Variants in TRIM72 observed in about 807,000 individuals in gnomAD.
TRIM72 encodes tripartite motif-containing protein 72.
In TRIM72, 33 loss-of-function variants were observed where a neutral mutation model predicts 31.6. The observed-to-expected ratio is 1.04, with a 90% CI of 0.79 to 1.40. The LOEUF (loss-of-function observed/expected upper bound fraction) is 1.40, where lower values mean the gene tolerates loss of function less well. TRIM72 is among the 40% of genes most tolerant of loss of function. The probability of loss-of-function intolerance (pLI) is 0.00; values close to 1 mark genes in which losing one functional copy is unlikely to be tolerated. For synonymous variants in TRIM72, 301 were observed against 314.4 expected, an observed-to-expected ratio of 0.96 and a Z score of 0.45; for missense variants, 666 against 682.7, an observed-to-expected ratio of 0.98 and a Z score of 0.27.
chr16:31,224,871 A>C lies in TRIM72; in HGVS notation c.*116A>C. The C allele has an allele frequency of 1.9e-6, 2 of 1,069,668 alleles. No homozygotes were observed. Among genetic ancestry groups the C allele is most frequent in the Non-Finnish European group, 2.5e-6 (2 of 785,534 alleles). 66.3% of individuals were successfully genotyped at this position (1,069,668 alleles called of 1,614,324 possible). ...GTTGCCAGGGCCCAGGGGGCTGGGAACTGGGGGATCTCCCAGAATACTGAC... is the reference window on the plus strand; with the variant it reads ...GTTGCCAGGGCCCAGGGGGCTGGGACCTGGGGGATCTCCCAGAATACTGAC... On this transcript the variant is annotated 3_prime_UTR_variant, in exon 7 of 7. Transcript: ENST00000322122.
At chr16:31,214,620 C>T in intron 1 of TRIM72, 112 bp from the exon 2 acceptor site, 1 of 1,207,998 alleles carries the variant, frequency 8.3e-7, no homozygotes, top group South Asian at 1.8e-5. Context: ...TCTTTACAGG[C>T]TGGGGCTTCT....
intron 2 of TRIM72, among the ~76,000 whole-genome samples, chr16:31,218,168 C>G (rs969321497): frequency 6.6e-6 from 1 of 152,178 alleles, no homozygotes. Flanking sequence ...TGATGTTTGT[C>G]ATCCTCGCAA....
chr16:31,220,931 T>G lies in TRIM72; in HGVS notation c.740+13T>G, dbSNP rs757050817. ...TGGTGACCAGCAGGTGAGAGCAACCTGGCCCTGTCCCTTTGCCCGACTTGT... is the reference window on the plus strand; with the variant it reads ...TGGTGACCAGCAGGTGAGAGCAACCGGGCCCTGTCCCTTTGCCCGACTTGT... On this transcript the variant is annotated intron_variant, in intron 5 of 6. Transcript: ENST00000322122. 1.9e-6 allele frequency: 3 copies of G among 1,614,188 alleles called. No individual in the cohort carries two copies. The highest frequency in any genetic ancestry group is 1.7e-6 in the Non-Finnish European group (2 of 1,180,024).
Position 31,216,983 on chromosome 16 carries a change from T to C in TRIM72, c.390+1855T>C, listed in dbSNP as rs751323039. 1.9e-6 allele frequency: 3 copies of C among 1,614,094 alleles called. No individual in the cohort carries two copies. In the South Asian group the frequency reaches 3.3e-5, roughly 18 times the overall value. On this transcript the variant is annotated intron_variant, in intron 2 of 6. Coordinates refer to ENST00000322122, the MANE Select transcript of TRIM72 (RefSeq NM_001008274.4). The surrounding 1 kb of genome is among the most constrained non-coding windows in gnomAD (Gnocchi z 6.7). Reference sequence around the variant, plus strand: ...TTGAACTTCTTGAGCTCCTCCGGTGTCAGGTTCTCCAGCACCTTCAGGATG... The same window carrying C: ...TTGAACTTCTTGAGCTCCTCCGGTGCCAGGTTCTCCAGCACCTTCAGGATG...
chr16:31,219,589 C>A lies in TRIM72; in HGVS notation c.717+70C>A. On this transcript the variant is annotated intron_variant, in intron 4 of 6. Transcript: ENST00000322122. This position sits in a 1 kb window ranked among gnomAD's most constrained non-coding sequence, Gnocchi z 4.2. ...GGGCCCAGAGACCTCATCCCATTGTCAGATAGGCCCAGAGAGGGGCAGGGA... is the reference window on the plus strand; with the variant it reads ...GGGCCCAGAGACCTCATCCCATTGTAAGATAGGCCCAGAGAGGGGCAGGGA... 1 of 1,390,696 alleles carries A rather than the reference C, an allele frequency of 7.2e-7. No individual in the cohort carries two copies. Among genetic ancestry groups the A allele is most frequent in the Non-Finnish European group, 9.9e-7 (1 of 1,011,418 alleles). The allele number at this position is 1,390,696 out of a possible 1,614,324, so 86.1% of individuals were successfully genotyped here.
chr16:31,217,411 G>A (rs1338592016), intron 2 of TRIM72: 8 of 165,386 alleles, frequency 4.8e-5, no homozygotes, highest in Non-Finnish European at 8.6e-5. Context: ...GGAGGCTGAA[G>A]CAAAAGGATT....
Position 31,229,254 on chromosome 16 carries a change from G to T in TRIM72, c.*4499G>T, listed in dbSNP as rs2079563115. The T allele has an allele frequency of 6.6e-6, 1 of 152,174 alleles. No individual in the cohort carries two copies. Among genetic ancestry groups the T allele is most frequent in the African/African-American group, 2.4e-5 (1 of 41,428 alleles). 9.4% of individuals were successfully genotyped at this position (152,174 alleles called of 1,614,324 possible). A position where few individuals can be genotyped will look rare whatever the true frequency, so the allele number is the denominator to read the frequency against. On this transcript the variant is annotated 3_prime_UTR_variant, in exon 7 of 7. Transcript: ENST00000322122. ...GTGTCGCAAGTCTGCTGTTCGTGTG[G>T]GAGGGAGGGAGGGAAGGCTCTTGTG... is the stretch of plus-strand genomic sequence containing the variant.
intron 6 of TRIM72, 122 bp from the exon 7 acceptor site, chr16:31,224,059 C>A: frequency 8.4e-7 from 1 of 1,185,232 alleles, no homozygotes; most frequent in Non-Finnish European, 1.2e-6. Flanking sequence ...ATCTTGTGGC[C>A]CAAGCCCAGT....
intron 2 of TRIM72, chr16:31,217,406 C>T (rs2079515276): frequency 5.8e-6 from 1 of 173,208 alleles, no homozygotes; most frequent in Non-Finnish European, 1.2e-5. Context: ...ACTCGGGAGG[C>T]TGAAGCAAAA....
intron 2 of TRIM72, among the ~76,000 whole-genome samples, chr16:31,218,552 A>C (rs1281021401): frequency 6.6e-6 from 1 of 151,944 alleles, no homozygotes. Context: ...GTGGTGGTGC[A>C]CCAAAATTAG....
In TRIM72 at chr16:31,217,960, T is replaced by A. The variant is rs564944783; in HGVS notation, c.391-1135T>A. Among the ~76,000 whole-genome samples the A allele has an allele frequency of 3.6e-3, 545 of 152,248 alleles. 5 individuals carry two copies. Among genetic ancestry groups the A allele is most frequent in the Non-Finnish European group, 4.6e-3 (315 of 67,998 alleles). On this transcript the variant is annotated intron_variant, in intron 2 of 6. Coordinates refer to ENST00000322122, the MANE Select transcript of TRIM72 (RefSeq NM_001008274.4). ...TTTCCTGCCCCCTACTCCAAGCCCA[T>A]GTGTGTACAGGCAGGCTGACTTGGT...
At position 31,215,471 on chromosome 16, in the gene TRIM72, G is replaced by A. The variant is rs762546012; in HGVS notation, c.390+343G>A. Among the ~76,000 whole-genome samples the A allele has an allele frequency of 1.4e-4, 21 of 152,234 alleles. No individual in the cohort carries two copies. Among genetic ancestry groups the A allele is most frequent in the African/African-American group, 4.8e-4 (20 of 41,470 alleles). Reference sequence around the variant, plus strand: ...AGCCAGGCGGAGCAGGGACTGACCAGCCCCTGCGGCCCACGCTCGCATTCC... The same window carrying A: ...AGCCAGGCGGAGCAGGGACTGACCAACCCCTGCGGCCCACGCTCGCATTCC... On this transcript the variant is annotated intron_variant, in intron 2 of 6. Coordinates refer to ENST00000322122, the MANE Select transcript of TRIM72 (RefSeq NM_001008274.4). This position sits in a 1 kb window ranked among gnomAD's most constrained non-coding sequence, Gnocchi z 6.3.
chr16:31,215,256 C>A lies in TRIM72; in HGVS notation c.390+128C>A. On this transcript the variant is annotated intron_variant, in intron 2 of 6. Transcript: ENST00000322122. This position sits in a 1 kb window ranked among gnomAD's most constrained non-coding sequence, Gnocchi z 6.3. ...CACGAGCTCCTGGAGTTGCGGGGGG[C>A]GGGGGCGGGGCGAAGCAGCCAGGAA... 2.9e-6 allele frequency: 1 copy of A among 341,184 alleles called. No individual in the cohort carries two copies. Among genetic ancestry groups the A allele is most frequent in the South Asian group, 5.5e-5 (1 of 18,072 alleles). 21.1% of individuals were successfully genotyped at this position (341,184 alleles called of 1,614,324 possible). A position where few individuals can be genotyped will look rare whatever the true frequency, so the allele number is the denominator to read the frequency against.
rs892690517 is a variant in TRIM72, at chr16:31,215,133, G to A, written c.390+5G>A. 1.4e-6 allele frequency: 2 copies of A among 1,435,312 alleles called. No homozygotes were observed. Among genetic ancestry groups the A allele is most frequent in the East Asian group, 2.7e-5 (1 of 36,702 alleles). 88.9% of individuals were successfully genotyped at this position (1,435,312 alleles called of 1,614,324 possible). A position where few individuals can be genotyped will look rare whatever the true frequency, so the allele number is the denominator to read the frequency against. On this transcript the variant is annotated splice_donor_5th_base_variant and intron_variant, in intron 2 of 6. Transcript: ENST00000322122. This position sits in a 1 kb window ranked among gnomAD's most constrained non-coding sequence, Gnocchi z 6.3. ...GAGGCCCACGCACGCCTCAAGGTGC[G>A]GGATCCGCGCGCATCGTGGTCGGAG...
intron 6 of TRIM72, among the ~76,000 whole-genome samples, chr16:31,223,322 G>A (rs1025911039): frequency 3.3e-5 from 5 of 152,184 alleles, no homozygotes; most frequent in African/African-American, 7.2e-5. Context: ...CCTGGGGACT[G>A]GCCTGGGTCA....
Position 31,219,084 on chromosome 16 carries a change from T to A in TRIM72, c.391-11T>A. 6.4e-7 allele frequency: 1 copy of A among 1,558,386 alleles called. No individual in the cohort carries two copies. The highest frequency in any genetic ancestry group is 1.2e-5 in the South Asian group (1 of 84,790). ...GGCATCCCCATCACTTCTCCATGCC[T>A]CGACCCCCAGACACAGCTGCCACAG... On this transcript the variant is annotated splice_polypyrimidine_tract_variant and intron_variant, in intron 2 of 6. Coordinates refer to ENST00000322122, the MANE Select transcript of TRIM72 (RefSeq NM_001008274.4). This position sits in a 1 kb window ranked among gnomAD's most constrained non-coding sequence, Gnocchi z 4.2.
intron 5 of TRIM72, among the ~76,000 whole-genome samples, chr16:31,222,497 T>TTTTTTTTTTTTTTTC (rs1642564554): frequency 6.7e-6 from 1 of 149,208 alleles, no homozygotes. Flanking sequence ...TTTTTTTTTT[T>TTTTTTTTTTTTTTTC]TAGACAGGAT....
chr16:31,229,862 T>C lies in TRIM72; in HGVS notation c.*5107T>C. ...CAGCACTTTTGGAGGTTGAGGCGGG[T>C]GAATCACCTGAGGTCAGGAGTTCGA... On this transcript the variant is annotated 3_prime_UTR_variant, in exon 7 of 7. Transcript: ENST00000322122. 6.6e-6 allele frequency: 1 copy of C among 151,994 alleles called. No homozygotes were observed. The highest frequency in any genetic ancestry group is 1.5e-5 in the Non-Finnish European group (1 of 67,938). 9.4% of individuals were successfully genotyped at this position (151,994 alleles called of 1,614,324 possible). A position where few individuals can be genotyped will look rare whatever the true frequency, so the allele number is the denominator to read the frequency against.
chr16:31,224,423 C>A lies in TRIM72; in HGVS notation c.1102C>A (p.Arg368Ser), dbSNP rs749353531. Reference sequence around the variant, plus strand: ...GGGCGTGATCGCGGCCGAGGCCCCCCGCCGCGGGCGCCTGCACGCGGTGCC... The same window carrying A: ...GGGCGTGATCGCGGCCGAGGCCCCCAGCCGCGGGCGCCTGCACGCGGTGCC... ...ALGVIAAEAP[R>S]RGRLHAVPSQ... Residue 368 changes from arginine to serine, a missense_variant, in exon 7 of 7, where the codon CGC (arginine) becomes AGC (serine). Coordinates refer to ENST00000322122, the MANE Select transcript of TRIM72 (RefSeq NM_001008274.4). The A allele has an allele frequency of 1.1e-5, 16 of 1,419,410 alleles. No homozygotes were observed. The African/African-American group carries it at 2.3e-4, about 20-fold the overall frequency. 87.9% of individuals were successfully genotyped at this position (1,419,410 alleles called of 1,614,324 possible).
Sources: allele counts gnomAD v4.1 joint callset (sites outside exome capture counted in the v4.1 genomes callset), GRCh38; gene constraint gnomAD v4.1.1; non-coding constraint Gnocchi (gnomAD v3.1); transcripts MANE v1.5; gene names NCBI Gene and HGNC (gene_info 2026-07-23, HGNC 2026-07-21).